The following DMD variants were observed in gnomAD, a reference collection of about 807,000 sequenced individuals.
DMD encodes mutant dystrophin.
In DMD, 63 loss-of-function variants were observed where a neutral mutation model predicts 330.1. The ratio of observed to expected loss-of-function variants is 0.19; its 90% CI spans 0.16 to 0.24. The LOEUF (loss-of-function observed/expected upper bound fraction) is 0.24, where lower values mean the gene tolerates loss of function less well. DMD is among the 10% of genes least tolerant of loss of function. DMD has a pLI of 1.00. For missense variants in DMD, 3,344 were observed against 2,684.1 expected, an observed-to-expected ratio of 1.25 and a Z score of -5.43; for synonymous variants, 1,223 against 959.8, an observed-to-expected ratio of 1.27 and a Z score of -5.07.
intron 62 of DMD, among the ~76,000 whole-genome samples, chrX:31,279,106 C>T (rs1603287944): frequency 8.9e-6 from 1 of 111,898 alleles, no homozygotes; most frequent in East Asian, 2.8e-4. Flanking sequence ...AGTATTTAAT[C>T]ACAGCAGCTT....
At chrX:31,994,330 T>C (rs2095570318) in intron 44 of DMD, among the ~76,000 whole-genome samples, 3 of 111,629 alleles carry the variant, frequency 2.7e-5, no homozygotes, top group African/African-American at 9.8e-5. Flanking sequence ...CAAAATTCAG[T>C]TGACAAAACA....
chrX:32,186,194 A>G (rs186330210), intron 44 of DMD, among the ~76,000 whole-genome samples: 2 of 110,891 alleles, frequency 1.8e-5, no homozygotes, highest in East Asian at 5.7e-4. Context: ...GTTTTCTTCC[A>G]TTAATCTCAC....
chrX:32,852,527 C>T (rs2081220957), intron 2 of DMD, among the ~76,000 whole-genome samples: 1 of 110,956 alleles, frequency 9.0e-6, no homozygotes, highest in South Asian at 3.8e-4. Flanking sequence ...ATAGAGTGGA[C>T]TTTGTCTTGC....
chrX:32,042,796 T>C (rs2096022006), intron 44 of DMD, among the ~76,000 whole-genome samples: 1 of 112,015 alleles, frequency 8.9e-6, no homozygotes, highest in African/African-American at 3.2e-5. Flanking sequence ...GATTACTACA[T>C]TTTCCCCATG....
At chrX:32,211,584 G>C (rs2097093820) in intron 44 of DMD, among the ~76,000 whole-genome samples, 1 of 111,658 alleles carries the variant, frequency 9.0e-6, no homozygotes, top group African/African-American at 3.3e-5. Context: ...GTTTATTCAT[G>C]TCAGAATAAC....
chrX:32,580,569 T>A (rs2053550656), intron 13 of DMD, among the ~76,000 whole-genome samples: 1 of 111,563 alleles, frequency 9.0e-6, no homozygotes, highest in Non-Finnish European at 1.9e-5. Flanking sequence ...CTTAAATCTG[T>A]GATGAATTAT....
At chrX:32,016,735 C>A (rs1337841356) in intron 44 of DMD, among the ~76,000 whole-genome samples, 2 of 112,441 alleles carry the variant, frequency 1.8e-5, no homozygotes. Flanking sequence ...ACCATAAGCA[C>A]CATGAGAATC....
intron 7 of DMD, among the ~76,000 whole-genome samples, chrX:32,752,401 A>G (rs985313047): frequency 9.0e-6 from 1 of 110,621 alleles, no homozygotes; most frequent in African/African-American, 3.3e-5. Context: ...TCAGACTTGC[A>G]TGTGCCCTGA....
intron 51 of DMD, among the ~76,000 whole-genome samples, chrX:31,735,449 A>G (rs1304721029): frequency 8.9e-6 from 1 of 111,801 alleles, no homozygotes; most frequent in Non-Finnish European, 1.9e-5. Flanking sequence ...TGATGGTTCC[A>G]TGACACTACT....
chrX:32,696,925 C>T (rs2063699823), intron 9 of DMD, among the ~76,000 whole-genome samples: 1 of 110,562 alleles, frequency 9.0e-6, no homozygotes, highest in Non-Finnish European at 1.9e-5. Flanking sequence ...GCTAATGCAT[C>T]GATTAACTGC....
intron 1 of DMD, among the ~76,000 whole-genome samples, chrX:33,207,983 C>T (rs1032346582): frequency 5.4e-5 from 6 of 111,623 alleles, no homozygotes; most frequent in African/African-American, 1.9e-4. Context: ...AGGACTATAG[C>T]AGGACTTTGT....
intron 42 of DMD, among the ~76,000 whole-genome samples, chrX:32,292,670 C>A (rs1425264204): frequency 9.0e-6 from 1 of 111,618 alleles, no homozygotes; most frequent in African/African-American, 3.3e-5. Flanking sequence ...TGCTGCTGAT[C>A]GTACAGCTTT....
chrX:31,730,133 G>T (rs1052592488), intron 51 of DMD, among the ~76,000 whole-genome samples: 2 of 111,431 alleles, frequency 1.8e-5, no homozygotes, highest in East Asian at 5.6e-4. Flanking sequence ...CAAAATTAAG[G>T]TATATTTATT....
At chrX:32,893,092 G>A (rs887483658) in intron 2 of DMD, among the ~76,000 whole-genome samples, 12 of 112,236 alleles carry the variant, frequency 1.1e-4, no homozygotes, top group Non-Finnish European at 2.3e-4. Context: ...TGATAGATCA[G>A]CTGCTACACT....
chrX:32,020,232 G>A (rs1327158741), intron 44 of DMD, among the ~76,000 whole-genome samples: 4 of 112,423 alleles, frequency 3.6e-5, no homozygotes, highest in Admixed American at 9.4e-5. Context: ...TCCCCAAAGC[G>A]TATTTGATTG....
intron 51 of DMD, among the ~76,000 whole-genome samples, chrX:31,752,802 CT>C (rs2088702800): frequency 9.0e-6 from 1 of 111,435 alleles, no homozygotes; most frequent in Non-Finnish European, 1.9e-5. Flanking sequence ...AGTTCTTCCC[CT>C]CCACACCCAC....
chrX:31,911,561 A>AT lies in DMD; in HGVS notation c.6912+18034dup, dbSNP rs201416281. The stretch of plus-strand genomic sequence containing the variant: ...GTTTATTTTATGTTTATTTTAGACT[A>AT]TGGAAATGATGTTAGACAAAAAGCA... On this transcript the variant is annotated intron_variant, in intron 47 of 78. Transcript: ENST00000357033. Among the ~76,000 whole-genome samples, 884 of 109,540 alleles carry AT rather than the reference A, an allele frequency of 8.1e-3. 11 individuals are homozygous for AT. The highest frequency in any genetic ancestry group is 0.027 in the African/African-American group (823 of 30,179).
intron 41 of DMD, among the ~76,000 whole-genome samples, chrX:32,333,982 C>T (rs779819194): frequency 1.8e-5 from 2 of 111,024 alleles, no homozygotes; most frequent in South Asian, 3.8e-4. Context: ...AGAATTTCCA[C>T]GCATTTGAAG....
At chrX:32,500,231 G>A (rs1004463309) in intron 19 of DMD, among the ~76,000 whole-genome samples, 2 of 110,840 alleles carry the variant, frequency 1.8e-5, no homozygotes, top group African/African-American at 3.3e-5. Context: ...TTACCTCAAC[G>A]ACTGCCTTAA....
Sources: gnomAD v4.1 joint callset for allele counts (sites outside exome capture counted in the v4.1 genomes callset) on GRCh38, gnomAD v4.1.1 for gene constraint, MANE v1.5 for transcripts, NCBI Gene and HGNC (gene_info 2026-07-23, HGNC 2026-07-21) for gene names.